The following DTNA variants were observed in gnomAD, a reference collection of about 807,000 sequenced individuals.
DTNA encodes the protein dystrophin-related protein 3.
A neutral mutation model predicts 100.7 loss-of-function variants in DTNA; 43 were observed. The ratio of observed to expected loss-of-function variants is 0.43; its 90% CI spans 0.33 to 0.55. The LOEUF is 0.55. Among genes scored for constraint, DTNA ranks in the 20% least tolerant of loss-of-function variants. The pLI is 0.04. For missense variants in DTNA, 798 were observed against 953.9 expected, an observed-to-expected ratio of 0.84 and a Z score of 2.15; for synonymous variants, 349 against 347.9, an observed-to-expected ratio of 1.00 and a Z score of -0.04.
rs756945985 is a variant in DTNA, at chr18:34,882,216, G to A, written c.2295+15G>A. ...AAGCTTATCAGGTACAGGGATCCAG[G>A]CCCACCCCACCCCACCTCTTCTGCC... is the stretch of plus-strand genomic sequence containing the variant. On this transcript the variant is annotated intron_variant, in intron 21 of 22. Transcript: ENST00000444659. 33 of 1,613,312 alleles carry A rather than the reference G, an allele frequency of 2.0e-5. 1 individual carries two copies. In the Admixed American group the frequency reaches 5.3e-4, roughly 26 times the overall value.
Position 34,566,168 on chromosome 18 carries a change from G to A in DTNA, c.-2+72654G>A, listed in dbSNP as rs111669149. ...GCGAAAAGAGTAAAGCAATGACCAA[G>A]TAATGTCCATCCTTGAGAAATTCTG... On this transcript the variant is annotated intron_variant, in intron 1 of 19. Transcript: ENST00000283365. 1.0e-2 allele frequency among the ~76,000 whole-genome samples: 1,521 copies of A among 152,178 alleles called. 9 individuals are homozygous for A. The highest frequency in any genetic ancestry group is 0.02 in the Middle Eastern group (6 of 294).
rs752828928 is a variant in DTNA at position 34,881,437 on chromosome 18, C to CTTTTTTT, written c.2163-613_2163-607dup. On this transcript the variant is annotated intron_variant, in intron 20 of 22. Coordinates refer to ENST00000444659, the MANE Select transcript of DTNA (RefSeq NM_001386795.1). ...ATAGTGGAATTGGATAATTAAAATG[C>CTTTTTTT]TTTTTTTTTTTTTTTTTTTTTTTTT... Among the ~76,000 whole-genome samples, 254 of 51,402 alleles carry CTTTTTTT rather than the reference C, an allele frequency of 4.9e-3. 51 individuals carry two copies. The highest frequency in any genetic ancestry group is 0.017 in the African/African-American group (209 of 11,956). The allele number at this position is 51,402 out of a possible 152,430, so 33.7% of individuals were successfully genotyped here.
rs1193259254 is a variant in DTNA, at chr18:34,829,371, A to G, written c.1086-29A>G. On this transcript the variant is annotated intron_variant, in intron 10 of 22. Transcript: ENST00000444659. ...CCTTGCTCTGTCCATGGGAAGTTTT[A>G]ATGAGGTCTCATTGTTTGACTCCCT... 3 of 1,534,884 alleles carry G rather than the reference A, an allele frequency of 2.0e-6. No homozygotes were observed. In the East Asian group the frequency reaches 7.3e-5, roughly 38 times the overall value.
chr18:34,873,418 G>T (rs969327558), intron 17 of DTNA, among the ~76,000 whole-genome samples: 6 of 152,220 alleles, frequency 3.9e-5, no homozygotes, highest in Admixed American at 3.9e-4. Flanking sequence ...GCCTTAAAAA[G>T]GGTGTACAAG....
chr18:34,808,704 A>G (rs1343749401), intron 5 of DTNA, among the ~76,000 whole-genome samples: 1 of 152,206 alleles, frequency 6.6e-6, no homozygotes, highest in Non-Finnish European at 1.5e-5. Context: ...AGGAAACAGT[A>G]TAACTGCTAC....
intron 1 of DTNA, among the ~76,000 whole-genome samples, chr18:34,752,968 T>C (rs1330211271): frequency 3.3e-5 from 5 of 152,258 alleles, no homozygotes; most frequent in Non-Finnish European, 7.3e-5. Flanking sequence ...CTAGTACAAT[T>C]TGAATTTCAC....
intron 4 of DTNA, among the ~76,000 whole-genome samples, chr18:34,803,315 C>T (rs939267712): frequency 4.6e-5 from 7 of 151,842 alleles, no homozygotes; most frequent in Non-Finnish European, 5.9e-5. Flanking sequence ...TTTGGCAGAA[C>T]AGCTCTGATA....
At chr18:34,622,769 C>T (rs548706295) in intron 1 of DTNA, among the ~76,000 whole-genome samples, 5 of 152,304 alleles carry the variant, frequency 3.3e-5, no homozygotes, top group Non-Finnish European at 7.4e-5. Flanking sequence ...CCCGTCTTCT[C>T]AGGCCTTTGG....
intron 1 of DTNA, among the ~76,000 whole-genome samples, chr18:34,702,209 A>G (rs2081474820): frequency 6.6e-6 from 1 of 152,034 alleles, no homozygotes; most frequent in African/African-American, 2.4e-5. Flanking sequence ...CCTTTTTCAC[A>G]GGTGTCATCT....
At chr18:34,799,394 G>A (rs942390175) in intron 4 of DTNA, among the ~76,000 whole-genome samples, 7 of 151,990 alleles carry the variant, frequency 4.6e-5, no homozygotes, top group Non-Finnish European at 7.4e-5. Flanking sequence ...AAAATGATTC[G>A]ATATTTAATG....
At chr18:34,869,869 A>C (rs2096747177) in intron 17 of DTNA, among the ~76,000 whole-genome samples, 1 of 152,152 alleles carries the variant, frequency 6.6e-6, no homozygotes, top group Non-Finnish European at 1.5e-5. Flanking sequence ...AAAATACAAA[A>C]AATTAGCCGG....
intron 1 of DTNA, among the ~76,000 whole-genome samples, chr18:34,626,667 T>C (rs1306479198): frequency 1.3e-5 from 2 of 152,168 alleles, no homozygotes; most frequent in African/African-American, 4.8e-5. Context: ...CAGTTCAATT[T>C]CCACCCAAAA....
chr18:34,885,030 C>T (rs1168974983), intron 22 of DTNA, among the ~76,000 whole-genome samples: 1 of 152,154 alleles, frequency 6.6e-6, no homozygotes, highest in African/African-American at 2.4e-5. Context: ...GCTTCTAAAC[C>T]TAGAGACGTT....
At chr18:34,554,143 G>GTGAA (rs1464814057) in intron 1 of DTNA, among the ~76,000 whole-genome samples, 1 of 129,586 alleles carries the variant, frequency 7.7e-6, no homozygotes. Flanking sequence ...TGAAGCAATT[G>GTGAA]TGAATGGGAG....
intron 1 of DTNA, among the ~76,000 whole-genome samples, chr18:34,608,268 A>G (rs1166608644): frequency 3.3e-5 from 5 of 152,234 alleles, no homozygotes; most frequent in East Asian, 1.9e-4. Flanking sequence ...TGGTTTTGCT[A>G]TCACGGTCAG....
At position 34,879,546 on chromosome 18, in the gene DTNA, G is replaced by A. The variant is rs371975255; in HGVS notation, c.1994-5G>A. ...ATTCTTTATTTCTTCAATTGTATCT[G>A]CTAGAGGTTGGGAGTGAAACAGAGA... On this transcript the variant is annotated splice_region_variant and splice_polypyrimidine_tract_variant and intron_variant, in intron 19 of 22. Transcript: ENST00000444659. 10 of 1,613,892 alleles carry A rather than the reference G, an allele frequency of 6.2e-6. No homozygotes were observed. The Admixed American group carries it at 1.0e-4, about 16-fold the overall frequency.
chr18:34,622,796 T>A (rs1047813332), intron 1 of DTNA, among the ~76,000 whole-genome samples: 1 of 152,186 alleles, frequency 6.6e-6, no homozygotes, highest in Non-Finnish European at 1.5e-5. Flanking sequence ...ACAAGAGTTA[T>A]ACCATCGGCT....
chr18:34,506,129 C>A lies in DTNA; in HGVS notation c.-2+12615C>A, dbSNP rs1447972129. ...CCAGCTATGAAGGGTAGAAGTGCCT[C>A]CTTTATGTTCCCCATGTGGTCTCTC... On this transcript the variant is annotated intron_variant, in intron 1 of 19. Coordinates refer to the DTNA transcript ENST00000283365. Among the ~76,000 whole-genome samples the A allele has an allele frequency of 2.6e-5, 4 of 152,134 alleles. No homozygotes were observed. In the East Asian group the frequency reaches 7.7e-4, roughly 29 times the overall value.
intron 13 of DTNA, among the ~76,000 whole-genome samples, chr18:34,839,422 A>C (rs936630716): frequency 6.6e-6 from 1 of 152,218 alleles, no homozygotes; most frequent in African/African-American, 2.4e-5. Flanking sequence ...CAGATATGTT[A>C]AATTCAGGAA....
Sources: gnomAD v4.1 joint callset for allele counts (sites outside exome capture counted in the v4.1 genomes callset) on GRCh38, gnomAD v4.1.1 for gene constraint, MANE v1.5 for transcripts, NCBI Gene and HGNC (gene_info 2026-07-23, HGNC 2026-07-21) for gene names.